ZBP1: variants seen among roughly 807,000 people sequenced by gnomAD.
ZBP1 encodes the protein Z-DNA binding protein 1.
A neutral mutation model predicts 41.1 loss-of-function variants in ZBP1; 42 were observed. That is an observed-to-expected ratio of 1.02 (90% CI 0.80 to 1.32). ZBP1 has a LOEUF of 1.32. Among genes scored for constraint, ZBP1 ranks in the 40% most tolerant of loss-of-function variants. The pLI is 0.00. For synonymous variants in ZBP1, 214 were observed against 205.2 expected, an observed-to-expected ratio of 1.04 and a Z score of -0.37; for missense variants, 562 against 549.7, an observed-to-expected ratio of 1.02 and a Z score of -0.22.
At position 57,610,063 on chromosome 20, in the gene ZBP1, A is replaced by C; in HGVS notation, c.1093+86T>G. On this transcript the variant is annotated intron_variant, in intron 7 of 7. Transcript: ENST00000371173. The surrounding 1 kb of genome is among the most constrained non-coding windows in gnomAD (Gnocchi z 5.5). ...ACTCCGGGAAACCAGAGATTAGCGA[A>C]TGATCGATGAGAGTGAATGAATGAA... 2 of 1,390,206 alleles carry C rather than the reference A, an allele frequency of 1.4e-6. No individual in the cohort carries two copies. The highest frequency in any genetic ancestry group is 2.0e-6 in the Non-Finnish European group (2 of 993,396). 86.1% of individuals were successfully genotyped at this position (1,390,206 alleles called of 1,614,324 possible).
Position 57,610,614 on chromosome 20 carries a change from C to T in ZBP1, c.875-247G>A, listed in dbSNP as rs1466394545. 2 of 570,628 alleles carry T rather than the reference C, an allele frequency of 3.5e-6. No individual in the cohort carries two copies. Among genetic ancestry groups the T allele is most frequent in the African/African-American group, 3.8e-5 (2 of 53,274 alleles). 35.3% of individuals were successfully genotyped at this position (570,628 alleles called of 1,614,324 possible). A position where few individuals can be genotyped will look rare whatever the true frequency, so the allele number is the denominator to read the frequency against. On this transcript the variant is annotated intron_variant, in intron 6 of 7. Transcript: ENST00000371173. This position sits in a 1 kb window ranked among gnomAD's most constrained non-coding sequence, Gnocchi z 5.5. ...AGTGGGTCTGCCCCACTGATCCCGCCCGGCTGATCTGGACGTCAGTGTCTT... is the reference window on the plus strand; with the variant it reads ...AGTGGGTCTGCCCCACTGATCCCGCTCGGCTGATCTGGACGTCAGTGTCTT...
Position 57,613,180 on chromosome 20 carries a change from G to A in ZBP1, c.653C>T (p.Thr218Ile), listed in dbSNP as rs1006989618. Residue 218 changes from threonine to isoleucine, a missense_variant, in exon 5 of 8, where the codon ACA becomes ATA. Transcript: ENST00000371173. The surrounding 1 kb of genome is among the most constrained non-coding windows in gnomAD (Gnocchi z 4.5). ...TGACTTACCGTCCTCCCTGGAGACTGTCTGTCTTGTAATGATGTTCCCGTG... is the reference window on the plus strand; with the variant it reads ...TGACTTACCGTCCTCCCTGGAGACTATCTGTCTTGTAATGATGTTCCCGTG... Reference protein sequence around the residue: ...IGHGNIITRQTVSREDGSAGP... With the variant: ...IGHGNIITRQIVSREDGSAGP... The A allele has an allele frequency of 6.2e-7, 1 of 1,614,002 alleles. No homozygotes were observed. Among genetic ancestry groups the A allele is most frequent in the South Asian group, 1.1e-5 (1 of 91,080 alleles).
At chr20:57,615,197 C>T (rs1026071012) in intron 3 of ZBP1, 137 bp from the exon 4 acceptor site, 50 of 991,988 alleles carry the variant, frequency 5.0e-5, no homozygotes, top group South Asian at 3.1e-4. Flanking sequence ...GTCATGATAA[C>T]GGGGTCATCA....
At position 57,620,416 on chromosome 20, in the gene ZBP1, C is replaced by A. The variant is rs1288750202; in HGVS notation, c.-121G>T. On this transcript the variant is annotated 5_prime_UTR_variant, in exon 1 of 8. Coordinates refer to ENST00000371173, the MANE Select transcript of ZBP1 (RefSeq NM_030776.3). ...TCTGAAGTGGCCGAGCCTGGTGCTT[C>A]TTGCAGCTCTGAACCCACAAGGGGA... 2 of 1,104,040 alleles carry A rather than the reference C, an allele frequency of 1.8e-6. No homozygotes were observed. The highest frequency in any genetic ancestry group is 5.4e-5 in the East Asian group (2 of 37,020). The allele number at this position is 1,104,040 out of a possible 1,614,324, so 68.4% of individuals were successfully genotyped here. A position where few individuals can be genotyped will look rare whatever the true frequency, so the allele number is the denominator to read the frequency against.
intron 1 of ZBP1, among the ~76,000 whole-genome samples, chr20:57,619,616 G>A (rs1027372951): frequency 3.3e-5 from 5 of 152,086 alleles, no homozygotes; most frequent in African/African-American, 1.2e-4. Context: ...CTTTGTTCTC[G>A]ATATGACTGT....
chr20:57,611,905 A>T lies in ZBP1; in HGVS notation c.696T>A (p.Pro232=). 1 of 1,566,204 alleles carries T rather than the reference A, an allele frequency of 6.4e-7. No homozygotes were observed. The highest frequency in any genetic ancestry group is 1.2e-5 in the South Asian group (1 of 85,236). The change falls in exon 6 of 8, where the codon CCT becomes CCA. Residue 232 remains proline, a synonymous_variant. Transcript: ENST00000371173. ...EDGSAGPRHL[P]SMAPGDSSTW... ...TTGAGGAATCACCTGGTGCCATTGA[A>T]GGGAGGTGGCGTGGACCGGCGGAAC...
rs2070446398 is a variant in ZBP1, at chr20:57,604,470, A to G, written c.*103T>C. The G allele has an allele frequency of 1.4e-6, 2 of 1,414,882 alleles. No individual in the cohort carries two copies. The highest frequency in any genetic ancestry group is 2.3e-5 in the East Asian group (1 of 43,910). The allele number at this position is 1,414,882 out of a possible 1,614,324, so 87.6% of individuals were successfully genotyped here. On this transcript the variant is annotated 3_prime_UTR_variant, in exon 8 of 8. Coordinates refer to ENST00000371173, the MANE Select transcript of ZBP1 (RefSeq NM_030776.3). ...TTCATGCAGGTTATGTCTGGAAGCA[A>G]GCAGGTCAAACAAGACGCTAAGGAA...
chr20:57,620,060 C>A (rs955928965), intron 1 of ZBP1, among the ~76,000 whole-genome samples: 1 of 152,178 alleles, frequency 6.6e-6, no homozygotes, highest in South Asian at 2.1e-4. Context: ...TAGTGTCAAA[C>A]TCCTGAGCTT....
Position 57,620,381 on chromosome 20 carries a change from G to A in ZBP1, c.-86C>T. On this transcript the variant is annotated 5_prime_UTR_variant, in exon 1 of 8. Coordinates refer to ENST00000371173, the MANE Select transcript of ZBP1 (RefSeq NM_030776.3). The stretch of plus-strand genomic sequence containing the variant: ...GCCCTGAGAGGGTGGGCTAGGTCGA[G>A]GCTGGGGCTTCTGAAGTGGCCGAGC... 2.7e-6 allele frequency: 4 copies of A among 1,478,244 alleles called. No individual in the cohort carries two copies. Among genetic ancestry groups the A allele is most frequent in the Non-Finnish European group, 3.7e-6 (4 of 1,091,466 alleles). The allele number at this position is 1,478,244 out of a possible 1,614,324, so 91.6% of individuals were successfully genotyped here.
chr20:57,605,043 A>T (rs2070460758), intron 7 of ZBP1, among the ~76,000 whole-genome samples: 1 of 152,156 alleles, frequency 6.6e-6, no homozygotes, highest in East Asian at 1.9e-4. Context: ...CAGTCCTCCC[A>T]GGGACCCCAA....
At chr20:57,606,578 T>C (rs1445790795) in intron 7 of ZBP1, among the ~76,000 whole-genome samples, 4 of 152,234 alleles carry the variant, frequency 2.6e-5, no homozygotes, top group African/African-American at 9.6e-5. Context: ...AAAGGAGATG[T>C]CAATGCCTGG....
At chr20:57,619,178 G>A (rs2070929911) in intron 1 of ZBP1, among the ~76,000 whole-genome samples, 1 of 152,208 alleles carries the variant, frequency 6.6e-6, no homozygotes, top group South Asian at 2.1e-4. Context: ...AGCTCCACAG[G>A]ACCTCCGCGG....
At position 57,610,290 on chromosome 20, in the gene ZBP1, C is replaced by T; in HGVS notation, c.952G>A (p.Ala318Thr). 1.2e-6 allele frequency: 2 copies of T among 1,614,170 alleles called. No homozygotes were observed. Among genetic ancestry groups the T allele is most frequent in the Non-Finnish European group, 1.7e-6 (2 of 1,180,028 alleles). ...PSPGTHPEGE[A>T]AQRIHMKSCF... ...GATTTCATGTGGATTCTCTGGGCGG[C>T]TTCCCCCTCAGGGTGAGTTCCTGGA... Residue 318 changes from alanine (A) to threonine (T), a missense_variant, in exon 7 of 8, where the codon GCC becomes ACC. Physicochemically the swap from Ala to Thr is moderately conservative, Grantham distance 58. Coordinates refer to ENST00000371173, the MANE Select transcript of ZBP1 (RefSeq NM_030776.3). The surrounding 1 kb of genome is among the most constrained non-coding windows in gnomAD (Gnocchi z 5.5).
At chr20:57,611,990 C>A in intron 5 of ZBP1, 60 bp from the exon 6 acceptor site, 1 of 1,503,096 alleles carries the variant, frequency 6.7e-7, no homozygotes, top group Admixed American at 2.0e-5. Flanking sequence ...TCCTTTCCCT[C>A]ACCACCACAC....
rs759716182 is a variant in ZBP1, at chr20:57,610,067, T to C, written c.1093+82A>G. ...CGGGAAACCAGAGATTAGCGAATGATCGATGAGAGTGAATGAATGAATGAG... is the reference window on the plus strand; with the variant it reads ...CGGGAAACCAGAGATTAGCGAATGACCGATGAGAGTGAATGAATGAATGAG... On this transcript the variant is annotated intron_variant, in intron 7 of 7. Coordinates refer to ENST00000371173, the MANE Select transcript of ZBP1 (RefSeq NM_030776.3). The surrounding 1 kb of genome is among the most constrained non-coding windows in gnomAD (Gnocchi z 5.5). 141 of 1,429,126 alleles carry C rather than the reference T, an allele frequency of 9.9e-5. No individual in the cohort carries two copies. The highest frequency in any genetic ancestry group is 1.3e-4 in the Non-Finnish European group (138 of 1,026,262). 88.5% of individuals were successfully genotyped at this position (1,429,126 alleles called of 1,614,324 possible).
At chr20:57,620,221 C>T (rs545030447) in intron 1 of ZBP1, 41 bp downstream of exon 1, 232 of 1,562,578 alleles carry the variant, frequency 1.5e-4, no homozygotes, top group Middle Eastern at 3.3e-4. Context: ...AATCTCACCC[C>T]GGGAGCTACC....
intron 5 of ZBP1, among the ~76,000 whole-genome samples, chr20:57,612,574 TCA>T (rs2070702769): frequency 6.6e-6 from 1 of 152,190 alleles, no homozygotes; most frequent in Non-Finnish European, 1.5e-5. Context: ...GCTGATGCTG[TCA>T]CTCACAGGTG....
At chr20:57,612,042 G>A (rs1248960920) in intron 5 of ZBP1, 112 bp from the exon 6 acceptor site, 5 of 1,194,456 alleles carry the variant, frequency 4.2e-6, no homozygotes, top group Non-Finnish European at 5.8e-6. Context: ...CCATCGAACT[G>A]GCGGCCAAAG....
In ZBP1 at chr20:57,615,576, C is replaced by G; in HGVS notation, c.264G>C (p.Glu88Asp). 1 of 1,612,612 alleles carries G rather than the reference C, an allele frequency of 6.2e-7. No homozygotes were observed. Among genetic ancestry groups the G allele is most frequent in the Non-Finnish European group, 8.5e-7 (1 of 1,179,454 alleles). Residue 88 changes from glutamate (E) to aspartate (D), a missense_variant, in exon 3 of 8, where the codon GAG becomes GAC. Transcript: ENST00000371173. ...TTGTAGCTGCATGTTGCTGGGGCCT[C>G]TCGGCTGCAGAAAGAAAGATGGGTC... The part of the protein sequence containing the change: ...PAELALSSPA[E>D]RPQQHAATIP...
Sources: allele counts gnomAD v4.1 joint callset (sites outside exome capture counted in the v4.1 genomes callset), GRCh38; gene constraint gnomAD v4.1.1; non-coding constraint Gnocchi (gnomAD v3.1); transcripts MANE v1.5; gene names NCBI Gene and HGNC (gene_info 2026-07-23, HGNC 2026-07-21).